FAM219A: variants seen among roughly 807,000 people sequenced by gnomAD.
FAM219A encodes the protein protein FAM219A.
Under a neutral mutation model 23.4 loss-of-function variants are expected in FAM219A, and 7 were observed. The observed-to-expected ratio is 0.30, with a 90% CI of 0.17 to 0.56. FAM219A has a LOEUF of 0.56. FAM219A is among the 20% of genes least tolerant of loss of function. The pLI is 0.92. For synonymous variants in FAM219A, 93 were observed against 99.0 expected, an observed-to-expected ratio of 0.94 and a Z score of 0.36; for missense variants, 166 against 246.9, an observed-to-expected ratio of 0.67 and a Z score of 2.20.
chr9:34,452,455 C>G (rs1823592710), intron 1 of FAM219A, among the ~76,000 whole-genome samples: 1 of 152,196 alleles, frequency 6.6e-6, no homozygotes, highest in Non-Finnish European at 1.5e-5. Flanking sequence ...CCTTAATTCT[C>G]TACCTCTCCA....
At chr9:34,421,782 A>C (rs1391322398) in intron 1 of FAM219A, among the ~76,000 whole-genome samples, 1 of 148,080 alleles carries the variant, frequency 6.8e-6, no homozygotes, top group Non-Finnish European at 1.5e-5. Context: ...TGCTGAACCC[A>C]TCTGTGCCCC....
chr9:34,444,996 A>G (rs1407260828), intron 1 of FAM219A, among the ~76,000 whole-genome samples: 1 of 152,168 alleles, frequency 6.6e-6, no homozygotes, highest in Non-Finnish European at 1.5e-5. Context: ...AGTGTCTTGC[A>G]TATAGCAGAT....
Position 34,400,954 on chromosome 9 carries a change from G to A in FAM219A, c.*10C>T, listed in dbSNP as rs745473472. 1 of 1,531,004 alleles carries A rather than the reference G, an allele frequency of 6.5e-7. No individual in the cohort carries two copies. Among genetic ancestry groups the A allele is most frequent in the Non-Finnish European group, 8.8e-7 (1 of 1,134,388 alleles). 94.8% of individuals were successfully genotyped at this position (1,531,004 alleles called of 1,614,324 possible). ...CGGCCCCGCCCCGGCGACCGCAGTGGCCCCGCCCGCTACTGAATGTGGCAG... is the reference window on the plus strand; with the variant it reads ...CGGCCCCGCCCCGGCGACCGCAGTGACCCCGCCCGCTACTGAATGTGGCAG... On this transcript the variant is annotated 3_prime_UTR_variant, in exon 6 of 6. Coordinates refer to ENST00000651358, the MANE Select transcript of FAM219A (RefSeq NM_001184940.2).
chr9:34,416,234 A>AGGGG (rs1822009662), intron 1 of FAM219A, among the ~76,000 whole-genome samples: 1 of 130,850 alleles, frequency 7.6e-6, no homozygotes, highest in African/African-American at 2.9e-5. Flanking sequence ...AAAGAAAGAA[A>AGGGG]GAAAGAAAGA....
At chr9:34,428,048 A>G (rs576556634) in intron 1 of FAM219A, among the ~76,000 whole-genome samples, 40 of 152,332 alleles carry the variant, frequency 2.6e-4, no homozygotes, top group African/African-American at 9.6e-4. Flanking sequence ...TTCCACAATC[A>G]AATGATTAAG....
Position 34,400,776 on chromosome 9 carries a change from TC to T in FAM219A, c.*187del, listed in dbSNP as rs1821388762. 1.8e-6 allele frequency: 1 copy of T among 557,232 alleles called. No individual in the cohort carries two copies. The highest frequency in any genetic ancestry group is 2.8e-6 in the Non-Finnish European group (1 of 354,466). 34.5% of individuals were successfully genotyped at this position (557,232 alleles called of 1,614,324 possible). ...GGTGGAGAGAGACCCAGTTTTGGTT[TC>T]TCCAGCTCCATGAACACACAGAGGT... is the stretch of plus-strand genomic sequence containing the variant. On this transcript the variant is annotated 3_prime_UTR_variant, in exon 6 of 6. Coordinates refer to ENST00000651358, the MANE Select transcript of FAM219A (RefSeq NM_001184940.2).
At position 34,448,994 on chromosome 9, in the gene FAM219A, GA is replaced by G. The variant is rs55976326; in HGVS notation, c.60+9209del. Among the ~76,000 whole-genome samples the G allele has an allele frequency of 9.4e-4, 134 of 142,454 alleles. 1 individual carries two copies. In the East Asian group the frequency reaches 0.012, roughly 13 times the overall value. The allele number at this position is 142,454 out of a possible 152,430, so 93.5% of individuals were successfully genotyped here. On this transcript the variant is annotated intron_variant, in intron 1 of 5. Transcript: ENST00000651358. ...ACCACCTGTTCCCCAAAAACTATCG[GA>G]AAAAAAAAAAAAACCTCAGCCATGG...
At chr9:34,416,120 G>A (rs1483311982) in intron 1 of FAM219A, among the ~76,000 whole-genome samples, 2 of 151,504 alleles carry the variant, frequency 1.3e-5, no homozygotes, top group Non-Finnish European at 2.9e-5. Flanking sequence ...AGGCTGGAGT[G>A]AGCTATGATT....
At chr9:34,412,642 C>A (rs1459592409) in intron 1 of FAM219A, among the ~76,000 whole-genome samples, 1 of 150,560 alleles carries the variant, frequency 6.6e-6, no homozygotes, top group African/African-American at 2.4e-5. Flanking sequence ...GGGAAATATC[C>A]AACCTTAGAT....
In FAM219A at chr9:34,398,584, T is replaced by C. The variant is rs934251091; in HGVS notation, c.*2380A>G. The C allele has an allele frequency of 3.5e-5, 20 of 574,170 alleles. No homozygotes were observed. In the African/African-American group the frequency reaches 3.6e-4, roughly 10 times the overall value. 35.6% of individuals were successfully genotyped at this position (574,170 alleles called of 1,614,324 possible). ...CCTGCCAGGGAACTAGTATGTCCTG[T>C]GGGGGGGGAGATTTTCCCTGGTGTC... On this transcript the variant is annotated 3_prime_UTR_variant, in exon 6 of 6. Coordinates refer to ENST00000651358, the MANE Select transcript of FAM219A (RefSeq NM_001184940.2).
At chr9:34,415,088 C>G (rs990967474) in intron 1 of FAM219A, among the ~76,000 whole-genome samples, 1 of 151,460 alleles carries the variant, frequency 6.6e-6, no homozygotes, top group African/African-American at 2.4e-5. Flanking sequence ...GTAACTAGGT[C>G]TATAAGCACA....
At chr9:34,444,041 T>C (rs1181572503) in intron 1 of FAM219A, among the ~76,000 whole-genome samples, 3 of 152,178 alleles carry the variant, frequency 2.0e-5, no homozygotes, top group Non-Finnish European at 2.9e-5. Flanking sequence ...CTACTACCAC[T>C]TCCCCATATC....
chr9:34,438,931 G>A (rs1483794280), intron 1 of FAM219A, among the ~76,000 whole-genome samples: 2 of 152,216 alleles, frequency 1.3e-5, no homozygotes, highest in African/African-American at 4.8e-5. Context: ...CTCATTCTTT[G>A]GGTCCACACT....
At position 34,398,583 on chromosome 9, in the gene FAM219A, G is replaced by GT. The variant is rs1821305259; in HGVS notation, c.*2380dup. The GT allele has an allele frequency of 1.7e-6, 1 of 580,236 alleles. No individual in the cohort carries two copies. Among genetic ancestry groups the GT allele is most frequent in the Non-Finnish European group, 3.1e-6 (1 of 326,240 alleles). The allele number at this position is 580,236 out of a possible 1,614,324, so 35.9% of individuals were successfully genotyped here. On this transcript the variant is annotated 3_prime_UTR_variant, in exon 6 of 6. Coordinates refer to ENST00000651358, the MANE Select transcript of FAM219A (RefSeq NM_001184940.2). ...GCCTGCCAGGGAACTAGTATGTCCT[G>GT]TGGGGGGGGAGATTTTCCCTGGTGT... is the stretch of plus-strand genomic sequence containing the variant.
At position 34,400,861 on chromosome 9, in the gene FAM219A, C is replaced by G; in HGVS notation, c.*103G>C. On this transcript the variant is annotated 3_prime_UTR_variant, in exon 6 of 6. Transcript: ENST00000651358. ...TATACGAGGTTGGCGGCTGTAGGGGCGCGGGGCCGGGGGCAGGCAGACGAG... is the reference window on the plus strand; with the variant it reads ...TATACGAGGTTGGCGGCTGTAGGGGGGCGGGGCCGGGGGCAGGCAGACGAG... The G allele has an allele frequency of 8.1e-7, 1 of 1,239,352 alleles. No individual in the cohort carries two copies. Among genetic ancestry groups the G allele is most frequent in the Non-Finnish European group, 1.1e-6 (1 of 931,106 alleles). The allele number at this position is 1,239,352 out of a possible 1,614,324, so 76.8% of individuals were successfully genotyped here.
At chr9:34,401,451 G>A (rs947267144) in intron 5 of FAM219A, among the ~76,000 whole-genome samples, 5 of 152,218 alleles carry the variant, frequency 3.3e-5, no homozygotes, top group African/African-American at 1.2e-4. Flanking sequence ...ATGGCCTGCT[G>A]CAATCTAAAG....
rs543779902 is a variant in FAM219A at position 34,400,706 on chromosome 9, C to T, written c.*258G>A. 1 of 376,644 alleles carries T rather than the reference C, an allele frequency of 2.7e-6. No homozygotes were observed. The highest frequency in any genetic ancestry group is 4.7e-6 in the Non-Finnish European group (1 of 210,818). 23.3% of individuals were successfully genotyped at this position (376,644 alleles called of 1,614,324 possible). A position where few individuals can be genotyped will look rare whatever the true frequency, so the allele number is the denominator to read the frequency against. On this transcript the variant is annotated 3_prime_UTR_variant, in exon 6 of 6. Transcript: ENST00000651358. Reference sequence around the variant, plus strand: ...CGGGGCAGGGTGCTGGGTGAGGTTCCCCCAGGTAACTGAACAAACGGCCCC... The same window carrying T: ...CGGGGCAGGGTGCTGGGTGAGGTTCTCCCAGGTAACTGAACAAACGGCCCC...
chr9:34,441,871 A>T (rs1169657522), intron 1 of FAM219A, among the ~76,000 whole-genome samples: 2 of 152,166 alleles, frequency 1.3e-5, no homozygotes, highest in African/African-American at 4.8e-5. Context: ...CTACAGGTGC[A>T]TGCCACGATG....
At chr9:34,429,786 G>A (rs964400796) in intron 1 of FAM219A, among the ~76,000 whole-genome samples, 1 of 152,102 alleles carries the variant, frequency 6.6e-6, no homozygotes, top group Non-Finnish European at 1.5e-5. Flanking sequence ...ATTCCTATTG[G>A]TAGGCCGAAA....
Sources: gnomAD v4.1 joint callset for allele counts (sites outside exome capture counted in the v4.1 genomes callset) on GRCh38, gnomAD v4.1.1 for gene constraint, MANE v1.5 for transcripts, NCBI Gene and HGNC (gene_info 2026-07-23, HGNC 2026-07-21) for gene names.